Variants in COL23A1 observed in about 807,000 individuals in gnomAD.
COL23A1 encodes collagen alpha-1(XXIII) chain.
In COL23A1, 97 loss-of-function variants were observed where a neutral mutation model predicts 99.3. The observed-to-expected ratio is 0.98, with a 90% CI of 0.83 to 1.16. The LOEUF (loss-of-function observed/expected upper bound fraction) is 1.16, where lower values mean the gene tolerates loss of function less well. Among genes scored for constraint, COL23A1 ranks in the 50% most tolerant of loss-of-function variants. The pLI, the probability that COL23A1 is intolerant of heterozygous loss-of-function variation, is 0.00. For missense variants in COL23A1, 762 were observed against 757.4 expected (o/e 1.01, Z -0.07); for synonymous variants, 320 against 308.2 (o/e 1.04, Z -0.40).
At chr5:178,585,225 C>A (rs909894209) in intron 1 of COL23A1, among the ~76,000 whole-genome samples, 1 of 152,154 alleles carries the variant, frequency 6.6e-6, no homozygotes, top group Non-Finnish European at 1.5e-5. Context: ...GATGACTGAA[C>A]CCCCGCTCTG....
At chr5:178,335,227 C>T (rs1760254588) in intron 2 of COL23A1, among the ~76,000 whole-genome samples, 1 of 152,208 alleles carries the variant, frequency 6.6e-6, no homozygotes, top group Non-Finnish European at 1.5e-5. Flanking sequence ...ACATTTTAAA[C>T]CCTCTAGCCA....
intron 2 of COL23A1, among the ~76,000 whole-genome samples, chr5:178,426,669 G>A (rs564653317): frequency 6.6e-5 from 10 of 152,260 alleles, no homozygotes; most frequent in African/African-American, 1.7e-4. Flanking sequence ...TTTGAAGACC[G>A]GACTGTGAGA....
At chr5:178,338,796 G>A (rs1402767870) in intron 2 of COL23A1, among the ~76,000 whole-genome samples, 2 of 152,196 alleles carry the variant, frequency 1.3e-5, no homozygotes, top group Admixed American at 6.5e-5. Context: ...AAGAGAGGGC[G>A]ACCAAGTGCC....
intron 10 of COL23A1, 84 bp downstream of exon 10, chr5:178,262,133 G>A (rs924345444): frequency 5.0e-6 from 7 of 1,403,920 alleles, no homozygotes; most frequent in African/African-American, 2.9e-5. Context: ...TGACCCTGCT[G>A]TCGGCGTGTG....
intron 2 of COL23A1, among the ~76,000 whole-genome samples, chr5:178,448,870 G>C (rs1292884988): frequency 2.7e-5 from 4 of 149,794 alleles, no homozygotes; most frequent in Non-Finnish European, 4.4e-5. Context: ...CTTGCACCTT[G>C]ATCTTGGACT....
At position 178,280,921 on chromosome 5, in the gene COL23A1, C is replaced by T. The variant is rs550560845; in HGVS notation, c.441+7403G>A. ...TCGGGCCCCACTGACCTGGGGTGGC[C>T]GCCTCCTGTGAATGGGCTGCCCCAC... On this transcript the variant is annotated intron_variant, in intron 5 of 28. Transcript: ENST00000390654. This position sits in a 1 kb window ranked among gnomAD's most constrained non-coding sequence, Gnocchi z 4.9. 5.9e-5 allele frequency among the ~76,000 whole-genome samples: 9 copies of T among 152,266 alleles called. No individual in the cohort carries two copies. The highest frequency in any genetic ancestry group is 2.2e-4 in the African/African-American group (9 of 41,562).
rs527852098 is a variant in COL23A1, at chr5:178,255,879, C to T, written c.882+474G>A. On this transcript the variant is annotated intron_variant, in intron 15 of 28. Coordinates refer to ENST00000390654, the MANE Select transcript of COL23A1 (RefSeq NM_173465.4). The surrounding 1 kb of genome is among the most constrained non-coding windows in gnomAD (Gnocchi z 4.2). ...GGAGACAGAGCCGAGGCCAGGATCC[C>T]GGACGTCACCCTAAAGGTAAGGTAT... 1.2e-4 allele frequency: 47 copies of T among 389,004 alleles called. No homozygotes were observed. Among genetic ancestry groups the T allele is most frequent in the Admixed American group, 6.0e-4 (22 of 36,628 alleles). The allele number at this position is 389,004 out of a possible 1,614,324, so 24.1% of individuals were successfully genotyped here.
Position 178,281,900 on chromosome 5 carries a change from A to C in COL23A1, c.441+6424T>G, listed in dbSNP as rs1325939941. On this transcript the variant is annotated intron_variant, in intron 5 of 28. Transcript: ENST00000390654. This position sits in a 1 kb window ranked among gnomAD's most constrained non-coding sequence, Gnocchi z 4.0. ...CCCTGTGTCTATTAAAAACACAAAAAAATCAGCCAGGCGTGGTGGTGCGTA... is the reference window on the plus strand; with the variant it reads ...CCCTGTGTCTATTAAAAACACAAAACAATCAGCCAGGCGTGGTGGTGCGTA... Among the ~76,000 whole-genome samples the C allele has an allele frequency of 1.3e-5, 2 of 151,738 alleles. No homozygotes were observed. The highest frequency in any genetic ancestry group is 4.8e-5 in the African/African-American group (2 of 41,290).
chr5:178,442,002 T>C (rs1766895143), intron 2 of COL23A1, among the ~76,000 whole-genome samples: 1 of 152,090 alleles, frequency 6.6e-6, no homozygotes, highest in Non-Finnish European at 1.5e-5. Context: ...TCCTCATCTG[T>C]TTGGCCAAGG....
At chr5:178,470,702 G>A (rs952131675) in intron 2 of COL23A1, among the ~76,000 whole-genome samples, 1 of 152,172 alleles carries the variant, frequency 6.6e-6, no homozygotes, top group Non-Finnish European at 1.5e-5. Flanking sequence ...TGGAAATCCC[G>A]AAATTTCCCC....
At chr5:178,555,933 C>G (rs1562086333) in intron 2 of COL23A1, among the ~76,000 whole-genome samples, 1 of 152,228 alleles carries the variant, frequency 6.6e-6, no homozygotes, top group Non-Finnish European at 1.5e-5. Flanking sequence ...CCTCTCCCCA[C>G]AGACTGAGGG....
At chr5:178,491,004 T>C (rs1210723731) in intron 2 of COL23A1, among the ~76,000 whole-genome samples, 2 of 148,314 alleles carry the variant, frequency 1.3e-5, no homozygotes, top group Admixed American at 1.4e-4. Context: ...TTGAGGGGAG[T>C]GGGGAGAGAC....
intron 2 of COL23A1, among the ~76,000 whole-genome samples, chr5:178,523,199 T>TAGAGAGAG (rs1269636962): frequency 2.9e-3 from 218 of 75,944 alleles, no homozygotes; most frequent in Non-Finnish European, 4.8e-3. Context: ...TATATATATA[T>TAGAGAGAG]ATAGAGAGAG....
chr5:178,586,110 G>A (rs762169261), intron 1 of COL23A1, among the ~76,000 whole-genome samples: 18 of 152,208 alleles, frequency 1.2e-4, no homozygotes, highest in African/African-American at 2.7e-4. Context: ...ACAAGAGAAC[G>A]GCAGAGACTG....
intron 2 of COL23A1, among the ~76,000 whole-genome samples, chr5:178,433,794 T>A (rs1360911611): frequency 1.3e-5 from 2 of 152,222 alleles, no homozygotes; most frequent in East Asian, 3.8e-4. Flanking sequence ...ATTCACATAT[T>A]GACGTCTTAA....
At chr5:178,473,752 C>G (rs1756887184) in intron 2 of COL23A1, among the ~76,000 whole-genome samples, 1 of 152,110 alleles carries the variant, frequency 6.6e-6, no homozygotes, top group Admixed American at 6.5e-5. Context: ...AACCCCTGCA[C>G]TCCCAAAACC....
intron 20 of COL23A1, 133 bp from the exon 21 acceptor site, chr5:178,247,964 G>T (rs946429664): frequency 4.8e-6 from 4 of 835,256 alleles, no homozygotes; most frequent in Non-Finnish European, 5.7e-6. Flanking sequence ...GTGAGCAGGT[G>T]GCAGCTGGTC....
At chr5:178,462,490 A>G (rs1203246139) in intron 2 of COL23A1, among the ~76,000 whole-genome samples, 1 of 152,236 alleles carries the variant, frequency 6.6e-6, no homozygotes, top group East Asian at 1.9e-4. Context: ...AGGCACAACA[A>G]GAGGAAGCAT....
At chr5:178,394,870 G>A (rs963082203) in intron 2 of COL23A1, among the ~76,000 whole-genome samples, 5 of 152,076 alleles carry the variant, frequency 3.3e-5, no homozygotes, top group East Asian at 1.9e-4. Context: ...AGCTCCAAAC[G>A]TCCAGGCTTG....
Sources: gnomAD v4.1 joint callset for allele counts (sites outside exome capture counted in the v4.1 genomes callset) on GRCh38, gnomAD v4.1.1 for gene constraint, Gnocchi (gnomAD v3.1) non-coding constraint, MANE v1.5 for transcripts, NCBI Gene and HGNC (gene_info 2026-07-23, HGNC 2026-07-21) for gene names.